The following ASPH variants were observed in gnomAD, a reference collection of about 807,000 sequenced individuals.
The protein encoded by ASPH is aspartate beta-hydroxylase, also known as aspartyl/asparaginyl beta-hydroxylase.
A neutral mutation model predicts 118.4 loss-of-function variants in ASPH; 100 were observed. That is an observed-to-expected ratio of 0.84 (90% CI 0.72 to 1.00). The LOEUF (loss-of-function observed/expected upper bound fraction) is 1.00, where lower values mean the gene tolerates loss of function less well. Among genes scored for constraint, ASPH ranks in the 50% least tolerant of loss-of-function variants. The pLI is 0.00. For synonymous variants in ASPH, 315 were observed against 325.6 expected, an observed-to-expected ratio of 0.97 and a Z score of 0.35; for missense variants, 920 against 919.5, an observed-to-expected ratio of 1.00 and a Z score of -0.01.
chr8:61,714,458 G>C lies in ASPH; in HGVS notation c.-87C>G. On this transcript the variant is annotated 5_prime_UTR_variant, in exon 1 of 25. Coordinates refer to ENST00000379454, the MANE Select transcript of ASPH (RefSeq NM_004318.4). ...CGCGACGCGGGAACCGCTGGCGGCGGCGGGCCGCTGGAGCGGGTTCGGGCC... is the reference window on the plus strand; with the variant it reads ...CGCGACGCGGGAACCGCTGGCGGCGCCGGGCCGCTGGAGCGGGTTCGGGCC... 9 of 1,362,502 alleles carry C rather than the reference G, an allele frequency of 6.6e-6. No individual in the cohort carries two copies. The highest frequency in any genetic ancestry group is 8.5e-6 in the Non-Finnish European group (9 of 1,058,832). The allele number at this position is 1,362,502 out of a possible 1,614,324, so 84.4% of individuals were successfully genotyped here.
intron 20 of ASPH, among the ~76,000 whole-genome samples, chr8:61,549,445 TATC>T (rs1482605894): frequency 6.6e-6 from 1 of 152,232 alleles, no homozygotes; most frequent in African/African-American, 2.4e-5. Context: ...CTCCTATTTA[TATC>T]ATTTAGCAAA....
chr8:61,541,323 CACT>C (rs373980308), intron 21 of ASPH, among the ~76,000 whole-genome samples: 472 of 152,146 alleles, frequency 3.1e-3, no homozygotes, highest in African/African-American at 0.011. Context: ...GAGATTGCGC[CACT>C]GCACTCCAGC....
At chr8:61,597,118 C>A in intron 14 of ASPH, among the ~76,000 whole-genome samples, 1 of 150,716 alleles carries the variant, frequency 6.6e-6, no homozygotes, top group Middle Eastern at 3.2e-3. Flanking sequence ...AAGACCATCA[C>A]CATCAACAAT....
chr8:61,706,453 A>AGGAG (rs1199132245), intron 1 of ASPH, among the ~76,000 whole-genome samples: 248 of 144,180 alleles, frequency 1.7e-3, no homozygotes, highest in African/African-American at 6.3e-3. Flanking sequence ...AAGAAGAAGA[A>AGGAG]GAAGGAGGAA....
intron 24 of ASPH, among the ~76,000 whole-genome samples, chr8:61,508,766 T>C (rs548681224): frequency 8.5e-5 from 13 of 152,222 alleles, no homozygotes; most frequent in Non-Finnish European, 1.6e-4. Flanking sequence ...GAGACATTCT[T>C]AGTGTCTGTA....
At chr8:61,656,720 A>C (rs1813866549) in intron 3 of ASPH, 1 of 152,234 alleles carries the variant, frequency 6.6e-6, no homozygotes, top group Admixed American at 6.5e-5. Context: ...AAACATTTGC[A>C]TTTAATCACT....
At chr8:61,555,379 C>T (rs1005716561) in intron 19 of ASPH, among the ~76,000 whole-genome samples, 25 of 152,142 alleles carry the variant, frequency 1.6e-4, no homozygotes, top group Non-Finnish European at 2.6e-4. Context: ...ACTTCTCCAA[C>T]GTCTCCTGGG....
At chr8:61,578,469 A>G in intron 15 of ASPH, 1 of 1,593,550 alleles carries the variant, frequency 6.3e-7, no homozygotes, top group Non-Finnish European at 8.6e-7. Flanking sequence ...GGACCCCAAC[A>G]TCCAGGCTGT....
chr8:61,670,009 T>C (rs1821599205), intron 3 of ASPH, among the ~76,000 whole-genome samples: 1 of 152,166 alleles, frequency 6.6e-6, no homozygotes, highest in East Asian at 1.9e-4. Context: ...GTGCAATGCA[T>C]GATATAAAAC....
chr8:61,628,690 G>T (rs1202485630), intron 13 of ASPH, among the ~76,000 whole-genome samples: 2 of 152,072 alleles, frequency 1.3e-5, no homozygotes, highest in Non-Finnish European at 2.9e-5. Flanking sequence ...CTCATTCTCT[G>T]TCCCACCCCT....
intron 22 of ASPH, 58 bp from the exon 23 acceptor site, chr8:61,518,181 A>G: frequency 6.7e-7 from 1 of 1,484,530 alleles, no homozygotes; most frequent in East Asian, 2.3e-5. Context: ...AACTTATCCC[A>G]TTTAGATGAG....
chr8:61,516,262 C>T (rs1810881869), intron 24 of ASPH, among the ~76,000 whole-genome samples: 1 of 152,182 alleles, frequency 6.6e-6, no homozygotes, highest in South Asian at 2.1e-4. Flanking sequence ...GGCTCCTGCT[C>T]ATGGAGCCAT....
At chr8:61,665,520 CCT>C (rs1393880876) in intron 3 of ASPH, 1 of 1,569,936 alleles carries the variant, frequency 6.4e-7, no homozygotes, top group African/African-American at 1.4e-5. Flanking sequence ...TCTTTCTTCC[CCT>C]TTTTTCTCTC....
At chr8:61,642,225 T>G (rs1340505200) in intron 10 of ASPH, among the ~76,000 whole-genome samples, 3 of 152,204 alleles carry the variant, frequency 2.0e-5, no homozygotes, top group Admixed American at 6.5e-5. Context: ...TCAGTCATCT[T>G]TGAGAGTGGG....
intron 21 of ASPH, among the ~76,000 whole-genome samples, chr8:61,547,467 A>G (rs560707356): frequency 6.6e-6 from 1 of 152,254 alleles, no homozygotes; most frequent in African/African-American, 2.4e-5. Flanking sequence ...TAATACAAAG[A>G]TATTATGTGC....
rs939966414 is a variant in ASPH, at chr8:61,684,093, A to C, written c.199T>G (p.Trp67Gly). 1 of 1,613,746 alleles carries C rather than the reference A, an allele frequency of 6.2e-7. No individual in the cohort carries two copies. Among genetic ancestry groups the C allele is most frequent in the African/African-American group, 1.3e-5 (1 of 74,924 alleles). ...WFMVIALLGV[W>G]TSVAVVWFDL... ...AACCAAACGACAGCTACAGATGTCC[A>C]GACGCCCAGCAATGCAATCACCATA... The change falls in exon 2 of 25, where the codon TGG (tryptophan) becomes GGG (glycine). Residue 67 changes from tryptophan (W) to glycine (G), a missense_variant. Physicochemically the swap from Trp to Gly is radical, Grantham distance 184 (BLOSUM62 -2). Transcript: ENST00000379454.
At position 61,677,051 on chromosome 8, in the gene ASPH, T is replaced by A. The variant is rs563859619; in HGVS notation, c.322+3917A>T. Among the ~76,000 whole-genome samples, 6 of 152,194 alleles carry A rather than the reference T, an allele frequency of 3.9e-5. No individual in the cohort carries two copies. The South Asian group carries it at 8.3e-4, about 21-fold the overall frequency. ...CTGGCCAATGACAAGAGTCAGCTAT[T>A]AATAATAATTCACTTTGCCTACCGA... is the stretch of plus-strand genomic sequence containing the variant. On this transcript the variant is annotated intron_variant, in intron 3 of 24. Coordinates refer to ENST00000379454, the MANE Select transcript of ASPH (RefSeq NM_004318.4).
chr8:61,714,159 G>A (rs371242384), intron 1 of ASPH, 110 bp downstream of exon 1: 1 of 1,269,002 alleles, frequency 7.9e-7, no homozygotes, highest in Non-Finnish European at 9.9e-7. Context: ...GCGGGGGATG[G>A]AGGCGGCGCG....
At chr8:61,700,511 C>A (rs182127905) in intron 1 of ASPH, among the ~76,000 whole-genome samples, 14 of 152,262 alleles carry the variant, frequency 9.2e-5, no homozygotes, top group Non-Finnish European at 1.5e-5. Context: ...CTGTGCACAA[C>A]GAATGGAGAA....
Sources: allele counts gnomAD v4.1 joint callset (sites outside exome capture counted in the v4.1 genomes callset), GRCh38; gene constraint gnomAD v4.1.1; transcripts MANE v1.5; gene names NCBI Gene and HGNC (gene_info 2026-07-23, HGNC 2026-07-21).